Variants in GTF2A1 observed in about 807,000 individuals in gnomAD.
GTF2A1 encodes general transcription factor IIA subunit 1, also known as transcription initiation factor IIA subunit 1.
GTF2A1 carries 12 observed loss-of-function variants against 54.1 expected under a neutral mutation model. That is an observed-to-expected ratio of 0.22 (90% CI 0.14 to 0.36). The LOEUF is 0.36. Among genes scored for constraint, GTF2A1 ranks in the 10% least tolerant of loss-of-function variants. The probability of loss-of-function intolerance (pLI) is 1.00; values close to 1 mark genes in which losing one functional copy is unlikely to be tolerated. For synonymous variants in GTF2A1, 145 were observed against 152.0 expected, an observed-to-expected ratio of 0.95 and a Z score of 0.34; for missense variants, 335 against 442.2, an observed-to-expected ratio of 0.76 and a Z score of 2.17.
Position 81,175,698 on chromosome 14 carries a change from TCTGAACTAA to T in GTF2A1, c.*4516_*4524del, listed in dbSNP as rs1371128194. 6.6e-6 allele frequency: 1 copy of T among 152,164 alleles called. No homozygotes were observed. Among genetic ancestry groups the T allele is most frequent in the Non-Finnish European group, 1.5e-5 (1 of 68,020 alleles). The allele number at this position is 152,164 out of a possible 1,614,324, so 9.4% of individuals were successfully genotyped here. Reference sequence around the variant, plus strand: ...TCCTAATATGCAATTATTTATAACCTCTGAACTAAGAGGAAGTGGTTTGACTAAACAGAG... The same window carrying T: ...TCCTAATATGCAATTATTTATAACCTGAGGAAGTGGTTTGACTAAACAGAG... On this transcript the variant is annotated 3_prime_UTR_variant, in exon 9 of 9. Transcript: ENST00000553612.
chr14:81,199,324 T>C (rs184870394), intron 4 of GTF2A1, among the ~76,000 whole-genome samples: 1 of 152,288 alleles, frequency 6.6e-6, no homozygotes, highest in East Asian at 1.9e-4. Context: ...TTATACTTAA[T>C]AACTATTAAA....
rs1254541575 is a variant in GTF2A1, at chr14:81,177,659, T to C, written c.*2564A>G. ...ACTATTTTCTGCCTTTAGATAAACATGCTACTTTCATTTTCAAATTCTGAA... is the reference window on the plus strand; with the variant it reads ...ACTATTTTCTGCCTTTAGATAAACACGCTACTTTCATTTTCAAATTCTGAA... On this transcript the variant is annotated 3_prime_UTR_variant, in exon 9 of 9. Transcript: ENST00000553612. 6.6e-6 allele frequency: 1 copy of C among 152,154 alleles called. No individual in the cohort carries two copies. Among genetic ancestry groups the C allele is most frequent in the Non-Finnish European group, 1.5e-5 (1 of 67,982 alleles). 9.4% of individuals were successfully genotyped at this position (152,154 alleles called of 1,614,324 possible).
chr14:81,183,239 TC>T (rs1230806670), intron 8 of GTF2A1, among the ~76,000 whole-genome samples: 1 of 152,148 alleles, frequency 6.6e-6, no homozygotes, highest in Non-Finnish European at 1.5e-5. Context: ...AAGAGCTGTC[TC>T]CCCTTATCTT....
upstream of GTF2A1, chr14:81,221,338 T>C (rs1893644681): frequency 6.6e-6 from 1 of 152,094 alleles, no homozygotes; most frequent in African/African-American, 2.4e-5. Flanking sequence ...AGCTAGGAAA[T>C]GTGACAGAGG....
chr14:81,219,612 G>A (rs932354475), intron 1 of GTF2A1, among the ~76,000 whole-genome samples: 2 of 152,150 alleles, frequency 1.3e-5, no homozygotes, highest in African/African-American at 2.4e-5. Flanking sequence ...CGGCATTTGG[G>A]ACCGGGCAAA....
rs180958728 is a variant in GTF2A1 at position 81,178,445 on chromosome 14, A to C, written c.*1778T>G. ...GAATAAACAAACTTCCCCTCAAAAA[A>C]CTAAATTAATATAGTCAAAATAAAA... is the stretch of plus-strand genomic sequence containing the variant. On this transcript the variant is annotated 3_prime_UTR_variant, in exon 9 of 9. Coordinates refer to ENST00000553612, the MANE Select transcript of GTF2A1 (RefSeq NM_015859.4). 6.6e-6 allele frequency: 1 copy of C among 152,122 alleles called. No homozygotes were observed. The highest frequency in any genetic ancestry group is 2.4e-5 in the African/African-American group (1 of 41,430). 9.4% of individuals were successfully genotyped at this position (152,122 alleles called of 1,614,324 possible). A position where few individuals can be genotyped will look rare whatever the true frequency, so the allele number is the denominator to read the frequency against.
At chr14:81,200,076 C>T (rs953993091) in intron 4 of GTF2A1, among the ~76,000 whole-genome samples, 1 of 151,918 alleles carries the variant, frequency 6.6e-6, no homozygotes, top group Non-Finnish European at 1.5e-5. Context: ...CGAAAAGATT[C>T]TAGAAACTGC....
At chr14:81,194,714 A>G (rs1023948839) in intron 6 of GTF2A1, among the ~76,000 whole-genome samples, 6 of 152,254 alleles carry the variant, frequency 3.9e-5, no homozygotes, top group African/African-American at 1.4e-4. Flanking sequence ...GCTAAAGAAA[A>G]TAACTGGGAG....
chr14:81,187,143 A>C (rs970881639), intron 7 of GTF2A1, among the ~76,000 whole-genome samples: 1 of 152,016 alleles, frequency 6.6e-6, no homozygotes, highest in Non-Finnish European at 1.5e-5. Context: ...TCACGAGGTC[A>C]GGAGATCGAG....
rs188471064 is a variant in GTF2A1, at chr14:81,197,315, G to T, written c.478+94C>A. 4.0e-4 allele frequency: 268 copies of T among 663,792 alleles called. 1 individual carries two copies. In the Admixed American group the frequency reaches 7.2e-3, roughly 18 times the overall value. 41.1% of individuals were successfully genotyped at this position (663,792 alleles called of 1,614,324 possible). On this transcript the variant is annotated intron_variant, in intron 5 of 8. Transcript: ENST00000553612. ...AAACCAAATGGTAAAAGAAATATTA[G>T]TATTTTCTGTCTTTCAAAGAAGACA...
intron 2 of GTF2A1, among the ~76,000 whole-genome samples, chr14:81,212,894 A>G (rs1040821157): frequency 3.3e-5 from 5 of 152,256 alleles, no homozygotes; most frequent in African/African-American, 1.2e-4. Context: ...TCATCACTGC[A>G]GAAAGTTCTA....
chr14:81,201,547 G>A (rs1893111204), intron 4 of GTF2A1, 47 bp downstream of exon 4: 2 of 1,108,416 alleles, frequency 1.8e-6, no homozygotes. Flanking sequence ...TACAATGTGG[G>A]TTAGAATTAA....
Position 81,185,618 on chromosome 14 carries a change from C to A in GTF2A1, c.936G>T (p.Glu312Asp). Residue 312 changes from glutamate to aspartate, a missense_variant and splice_region_variant, in exon 8 of 9, where the codon GAG becomes GAT. Glu to Asp is a conservative substitution (Grantham distance 45). Around this residue, in one of 2 missense-constraint regions of GTF2A1, gnomAD observed 29 missense variants for 81.7 expected, o/e 0.35. Transcript: ENST00000553612. ...DGAEDGQVEE[E>D]PLNSEDDVSD... is the part of the protein sequence containing the mutation. ...TCACATCATCTTCACTATTGAGGGGCTCCTACAAATAAAAGGAGAGTTCTT... is the reference window on the plus strand; with the variant it reads ...TCACATCATCTTCACTATTGAGGGGATCCTACAAATAAAAGGAGAGTTCTT... The A allele has an allele frequency of 6.5e-7, 1 of 1,548,184 alleles. No individual in the cohort carries two copies. The highest frequency in any genetic ancestry group is 1.1e-5 in the South Asian group (1 of 89,280).
intron 4 of GTF2A1, among the ~76,000 whole-genome samples, chr14:81,200,206 G>A (rs1319903088): frequency 6.6e-6 from 1 of 152,150 alleles, no homozygotes; most frequent in Non-Finnish European, 1.5e-5. Context: ...TAATGTGTAG[G>A]AGGAAGTCAT....
At chr14:81,213,743 T>C (rs749024237) in intron 2 of GTF2A1, among the ~76,000 whole-genome samples, 6 of 152,216 alleles carry the variant, frequency 3.9e-5, no homozygotes, top group Non-Finnish European at 8.8e-5. Flanking sequence ...CTCTTCACTA[T>C]TAGTAACCTG....
chr14:81,206,472 A>T (rs1298254631), intron 2 of GTF2A1, among the ~76,000 whole-genome samples: 1 of 152,234 alleles, frequency 6.6e-6, no homozygotes, highest in Admixed American at 6.5e-5. Context: ...GATACAGTGA[A>T]CAAACCTGAG....
rs529402445 is a variant in GTF2A1 at position 81,197,495 on chromosome 14, C to A, written c.403-11G>T. 11 of 1,507,628 alleles carry A rather than the reference C, an allele frequency of 7.3e-6. No individual in the cohort carries two copies. In the East Asian group the frequency reaches 9.2e-5, roughly 13 times the overall value. 93.4% of individuals were successfully genotyped at this position (1,507,628 alleles called of 1,614,324 possible). ...TGTAGCAGCAGCACTCTGAAAAAAA[C>A]AAAGAAAAAATATCAAAACCACATA... On this transcript the variant is annotated splice_polypyrimidine_tract_variant and intron_variant, in intron 4 of 8. Transcript: ENST00000553612.
chr14:81,218,751 A>G (rs1893541286), intron 1 of GTF2A1, among the ~76,000 whole-genome samples: 1 of 151,386 alleles, frequency 6.6e-6, no homozygotes, highest in African/African-American at 2.4e-5. Flanking sequence ...TAATTTTTAT[A>G]CCGGATACCC....
At chr14:81,200,348 G>A (rs1408930863) in intron 4 of GTF2A1, among the ~76,000 whole-genome samples, 1 of 152,100 alleles carries the variant, frequency 6.6e-6, no homozygotes, top group Non-Finnish European at 1.5e-5. Context: ...TTGAGGCTGG[G>A]CGTGGTGGCT....
Sources: gnomAD v4.1 joint callset for allele counts (sites outside exome capture counted in the v4.1 genomes callset) on GRCh38, gnomAD v4.1.1 for gene constraint, gnomAD v4.1.1 regional missense constraint, MANE v1.5 for transcripts, NCBI Gene and HGNC (gene_info 2026-07-23, HGNC 2026-07-21) for gene names.